Variants in UVRAG observed in about 807,000 individuals in gnomAD.
UVRAG encodes UV radiation resistance-associated gene protein.
A neutral mutation model predicts 78.0 loss-of-function variants in UVRAG; 19 were observed. That is an observed-to-expected ratio of 0.24 (90% CI 0.17 to 0.36). UVRAG has a LOEUF of 0.36. UVRAG is among the 10% of genes least tolerant of loss of function. UVRAG has a pLI of 1.00. For synonymous variants in UVRAG, 323 were observed against 324.6 expected (o/e 1.00, Z 0.05); for missense variants, 740 against 853.8 (o/e 0.87, Z 1.66).
chr11:76,094,577 T>G (rs1020306606), intron 13 of UVRAG, among the ~76,000 whole-genome samples: 66 of 152,178 alleles, frequency 4.3e-4, no homozygotes, highest in African/African-American at 1.6e-3. Flanking sequence ...TTCTTCCTGG[T>G]TTAGTCTTGG....
chr11:75,859,375 C>CA (rs978855562), intron 2 of UVRAG, among the ~76,000 whole-genome samples: 1,064 of 95,846 alleles, frequency 0.011, 11 homozygotes, highest in African/African-American at 0.036. Context: ...GACCCTGTCT[C>CA]AAAAAAAAAA....
chr11:76,141,661 AAAGAGCTTAC>A lies in UVRAG; in HGVS notation c.*250_*259del. 3 of 518,662 alleles carry A rather than the reference AAAGAGCTTAC, an allele frequency of 5.8e-6. No homozygotes were observed. The highest frequency in any genetic ancestry group is 1.9e-5 in the African/African-American group (1 of 52,510). The allele number at this position is 518,662 out of a possible 1,614,324, so 32.1% of individuals were successfully genotyped here. On this transcript the variant is annotated 3_prime_UTR_variant, in exon 15 of 15. Transcript: ENST00000356136. ...TAAAGCAAAAATCACCCTCTAGTTG[AAAGAGCTTAC>A]AGCTCGAGTCACCTTTTAGCTATTT...
chr11:75,913,271 A>G (rs1202230957), intron 6 of UVRAG, among the ~76,000 whole-genome samples: 1 of 152,226 alleles, frequency 6.6e-6, no homozygotes, highest in Non-Finnish European at 1.5e-5. Context: ...AGTAGAATTA[A>G]AAGAAAAAAT....
chr11:75,923,002 TCA>T (rs1591022333), intron 6 of UVRAG, among the ~76,000 whole-genome samples: 1 of 140,808 alleles, frequency 7.1e-6, no homozygotes, highest in African/African-American at 2.8e-5. Context: ...ATATATTTTT[TCA>T]TATATATATA....
intron 13 of UVRAG, among the ~76,000 whole-genome samples, chr11:76,094,147 T>C (rs945223317): frequency 3.9e-5 from 6 of 152,216 alleles, no homozygotes; most frequent in African/African-American, 1.4e-4. Context: ...TCTGTTTATA[T>C]GCTGGATTAC....
intron 7 of UVRAG, 39 bp from the exon 8 acceptor site, chr11:75,983,348 T>C (rs1949430690): frequency 1.3e-6 from 2 of 1,509,928 alleles, no homozygotes; most frequent in African/African-American, 1.4e-5. Flanking sequence ...AGTCATGACA[T>C]TTATATTCAT....
chr11:75,893,581 T>C (rs1315671175), intron 5 of UVRAG, among the ~76,000 whole-genome samples: 1 of 150,318 alleles, frequency 6.7e-6, no homozygotes, highest in Non-Finnish European at 1.5e-5. Context: ...AATGCGCTGT[T>C]AATTATTAAT....
chr11:76,108,537 T>C (rs1342453499), intron 13 of UVRAG, among the ~76,000 whole-genome samples: 1 of 152,198 alleles, frequency 6.6e-6, no homozygotes, highest in East Asian at 1.9e-4. Flanking sequence ...TGATCTGTCT[T>C]ATTTGATGAA....
chr11:76,104,371 A>C (rs1951934405), intron 13 of UVRAG, among the ~76,000 whole-genome samples: 1 of 152,194 alleles, frequency 6.6e-6, no homozygotes. Flanking sequence ...AAAGTGCCTG[A>C]ATTCAGGCAC....
At chr11:75,922,246 A>G (rs1947994766) in intron 6 of UVRAG, among the ~76,000 whole-genome samples, 1 of 152,022 alleles carries the variant, frequency 6.6e-6, no homozygotes, top group East Asian at 1.9e-4. Flanking sequence ...TTCTCTTTAT[A>G]TGGTCATTTG....
chr11:75,994,444 A>G (rs1293790493), intron 8 of UVRAG, among the ~76,000 whole-genome samples: 2 of 152,198 alleles, frequency 1.3e-5, no homozygotes, highest in Non-Finnish European at 2.9e-5. Flanking sequence ...AATTCAGCAC[A>G]GATTTCAACT....
At chr11:76,126,919 A>G (rs1042014950) in intron 14 of UVRAG, among the ~76,000 whole-genome samples, 18 of 152,084 alleles carry the variant, frequency 1.2e-4, no homozygotes, top group African/African-American at 3.9e-4. Context: ...TTCTTGCTCT[A>G]CCTCACCCCC....
At chr11:75,978,264 T>A (rs1053110245) in intron 7 of UVRAG, among the ~76,000 whole-genome samples, 1 of 152,206 alleles carries the variant, frequency 6.6e-6, no homozygotes, top group Non-Finnish European at 1.5e-5. Context: ...CTTCCCTTTG[T>A]GGGTAACCTG....
In UVRAG at chr11:75,815,365, C is replaced by T; in HGVS notation, c.-43C>T. On this transcript the variant is annotated 5_prime_UTR_variant, in exon 1 of 15. Transcript: ENST00000356136. ...GTGGCAAGGGGGCGGCGGCGGATGC[C>T]GGAAGAGTGCCCGCCCCGCCGCTTG... 1 of 1,099,014 alleles carries T rather than the reference C, an allele frequency of 9.1e-7. No individual in the cohort carries two copies. Among genetic ancestry groups the T allele is most frequent in the South Asian group, 3.9e-5 (1 of 25,574 alleles). 68.1% of individuals were successfully genotyped at this position (1,099,014 alleles called of 1,614,324 possible). A position where few individuals can be genotyped will look rare whatever the true frequency, so the allele number is the denominator to read the frequency against.
intron 7 of UVRAG, among the ~76,000 whole-genome samples, chr11:75,969,257 C>T (rs1271674304): frequency 6.6e-6 from 1 of 152,180 alleles, no homozygotes; most frequent in Non-Finnish European, 1.5e-5. Flanking sequence ...CTTTTTATGG[C>T]TGGCTGTTTC....
At chr11:75,940,884 T>A (rs1299851892) in intron 6 of UVRAG, among the ~76,000 whole-genome samples, 1 of 152,168 alleles carries the variant, frequency 6.6e-6, no homozygotes, top group Non-Finnish European at 1.5e-5. Context: ...CTATGCTAAC[T>A]ACTATATTTA....
At chr11:76,070,434 AAG>A (rs1170222939) in intron 13 of UVRAG, among the ~76,000 whole-genome samples, 1 of 152,162 alleles carries the variant, frequency 6.6e-6, no homozygotes, top group Non-Finnish European at 1.5e-5. Context: ...AAAATTTGTC[AAG>A]AGAGTAGATT....
Position 76,141,024 on chromosome 11 carries a change from A to C in UVRAG, c.1711A>C (p.Ser571Arg). 6.2e-7 allele frequency: 1 copy of C among 1,614,198 alleles called. No individual in the cohort carries two copies. The highest frequency in any genetic ancestry group is 2.2e-5 in the East Asian group (1 of 44,884). ...NKKKGEDLVG[S>R]LNGGHANVHP... ...GAAAAAAGGAGAGGATCTAGTTGGC[A>C]GCTTAAACGGAGGCCACGCGAATGT... Residue 571 changes from serine (S) to arginine (R), a missense_variant, in exon 15 of 15, where the codon AGC (serine) becomes CGC (arginine). Transcript: ENST00000356136.
intron 5 of UVRAG, among the ~76,000 whole-genome samples, chr11:75,904,800 T>G (rs1404367919): frequency 6.6e-6 from 1 of 152,178 alleles, no homozygotes; most frequent in African/African-American, 2.4e-5. Flanking sequence ...AACGTTGACA[T>G]GTAAAATACA....
Sources: allele counts gnomAD v4.1 joint callset (sites outside exome capture counted in the v4.1 genomes callset), GRCh38; gene constraint gnomAD v4.1.1; transcripts MANE v1.5; gene names NCBI Gene and HGNC (gene_info 2026-07-23, HGNC 2026-07-21).